The following CDK17 variants were observed in gnomAD, a reference collection of about 807,000 sequenced individuals.
CDK17 encodes the protein cyclin dependent kinase 17, also known as cyclin-dependent kinase 17.
A neutral mutation model predicts 77.6 loss-of-function variants in CDK17; 24 were observed. The ratio of observed to expected loss-of-function variants is 0.31; its 90% CI spans 0.22 to 0.44. CDK17 has a LOEUF of 0.44. Ranked by LOEUF, CDK17 falls within the 20% of genes least tolerant of loss-of-function variation. The pLI, the probability that CDK17 is intolerant of heterozygous loss-of-function variation, is 1.00. For synonymous variants in CDK17, 203 were observed against 210.4 expected, an observed-to-expected ratio of 0.96 and a Z score of 0.30; for missense variants, 429 against 622.5, an observed-to-expected ratio of 0.69 and a Z score of 3.31.
intron 2 of CDK17, among the ~76,000 whole-genome samples, chr12:96,325,504 C>T (rs1354517483): frequency 6.6e-6 from 1 of 152,218 alleles, no homozygotes; most frequent in Non-Finnish European, 1.5e-5. Flanking sequence ...AGGGTATGGG[C>T]TCCAGAGAAA....
intron 1 of CDK17, among the ~76,000 whole-genome samples, chr12:96,349,122 T>G (rs896202584): frequency 3.3e-5 from 5 of 152,172 alleles, no homozygotes; most frequent in African/African-American, 1.2e-4. Context: ...TGAACCAGGA[T>G]TTGTCTCAAG....
intron 5 of CDK17, among the ~76,000 whole-genome samples, chr12:96,301,029 A>C (rs2137087374): frequency 6.6e-6 from 1 of 152,340 alleles, no homozygotes; most frequent in East Asian, 1.9e-4. Flanking sequence ...AAATTGCAAA[A>C]TAAATAATTT....
Position 96,311,089 on chromosome 12 carries a change from T to C in CDK17, c.506A>G (p.Asp169Gly), listed in dbSNP as rs1565814237. The change falls in exon 5 of 17, where the codon GAC becomes GGC. Residue 169 changes from aspartate to glycine, a missense_variant. By Grantham distance (94) the Asp-to-Gly change is moderately conservative (BLOSUM62 -1). Around this residue, in one of 4 missense-constraint regions of CDK17, gnomAD observed 262 missense variants for 385.4 expected, o/e 0.68. Coordinates refer to ENST00000261211, the MANE Select transcript of CDK17 (RefSeq NM_002595.5). ...ACGAGACCTTCGACTCATTGGTTGG[T>C]CAAATGGTGGACTGTTTATCTGCAA... is the stretch of plus-strand genomic sequence containing the variant. ...EKLQINSPPF[D>G]QPMSRRSRRA... 6.2e-7 allele frequency: 1 copy of C among 1,603,804 alleles called. No individual in the cohort carries two copies. The highest frequency in any genetic ancestry group is 8.5e-7 in the Non-Finnish European group (1 of 1,177,096).
chr12:96,387,700 G>A lies in CDK17; in HGVS notation c.-30+12286C>T, dbSNP rs923959023. 6.6e-5 allele frequency among the ~76,000 whole-genome samples: 10 copies of A among 152,062 alleles called. No individual in the cohort carries two copies. The East Asian group carries it at 9.6e-4, about 15-fold the overall frequency. On this transcript the variant is annotated intron_variant, in intron 1 of 16. Coordinates refer to ENST00000261211, the MANE Select transcript of CDK17 (RefSeq NM_002595.5). Reference sequence around the variant, plus strand: ...CTCACACCTGTAATCCCAGCGCTTCGGGAGGCCGAGGCTCGAGAATCACTT... The same window carrying A: ...CTCACACCTGTAATCCCAGCGCTTCAGGAGGCCGAGGCTCGAGAATCACTT...
intron 12 of CDK17, 121 bp downstream of exon 12, chr12:96,286,539 TCTAA>T (rs1490546501): frequency 1.6e-4 from 98 of 626,154 alleles, no homozygotes; most frequent in Non-Finnish European, 2.3e-4. Flanking sequence ...TTCTAATTAT[TCTAA>T]CTAACAGCTG....
intron 2 of CDK17, among the ~76,000 whole-genome samples, chr12:96,333,769 G>T (rs1284463226): frequency 6.6e-6 from 1 of 152,060 alleles, no homozygotes; most frequent in African/African-American, 2.4e-5. Flanking sequence ...ACTCTGAAGT[G>T]AAGAAACCTG....
chr12:96,305,791 TCAC>T (rs1048822925), intron 5 of CDK17, among the ~76,000 whole-genome samples: 2 of 152,154 alleles, frequency 1.3e-5, no homozygotes, highest in African/African-American at 4.8e-5. Flanking sequence ...CAATCATGGC[TCAC>T]CACAACCTCA....
chr12:96,280,243 T>C lies in CDK17; in HGVS notation c.1571A>G (p.Ter524=), dbSNP rs957111184. ...GKNRRQSMLF[*] ...GGGCTTGAAACCATGTTATCAGACTTAAAAGAGCATGCTCTGTCTTCTGTT... is the reference window on the plus strand; with the variant it reads ...GGGCTTGAAACCATGTTATCAGACTCAAAAGAGCATGCTCTGTCTTCTGTT... The change falls in exon 17 of 17, where the codon TAA becomes TGA. Residue 524 remains the stop codon, a stop_retained_variant. Coordinates refer to ENST00000261211, the MANE Select transcript of CDK17 (RefSeq NM_002595.5). 1 of 1,550,954 alleles carries C rather than the reference T, an allele frequency of 6.4e-7. No homozygotes were observed. The highest frequency in any genetic ancestry group is 1.4e-5 in the African/African-American group (1 of 73,124).
intron 11 of CDK17, among the ~76,000 whole-genome samples, chr12:96,287,560 T>C (rs913984519): frequency 1.3e-5 from 2 of 152,024 alleles, no homozygotes; most frequent in Non-Finnish European, 2.9e-5. Flanking sequence ...TAGGTATATA[T>C]CTAAAAGAAC....
At chr12:96,378,638 AT>A (rs1953825697) in intron 1 of CDK17, among the ~76,000 whole-genome samples, 2 of 152,134 alleles carry the variant, frequency 1.3e-5, no homozygotes, top group African/African-American at 4.8e-5. Flanking sequence ...AAGATCTACA[AT>A]TGCTTGTTCA....
In CDK17 at chr12:96,387,501, A is replaced by G. The variant is rs78857505; in HGVS notation, c.-30+12485T>C. On this transcript the variant is annotated intron_variant, in intron 1 of 16. Transcript: ENST00000261211. ...CAAGAATGATTCTGAAGTTGAGGTT[A>G]AAGCCATTACTCTGGAATAATATAT... 4.3e-3 allele frequency among the ~76,000 whole-genome samples: 651 copies of G among 152,354 alleles called. 5 individuals are homozygous for G. Among genetic ancestry groups the G allele is most frequent in the Middle Eastern group, 0.014 (4 of 294 alleles).
At chr12:96,363,573 T>C (rs1953531573) in intron 1 of CDK17, among the ~76,000 whole-genome samples, 1 of 150,000 alleles carries the variant, frequency 6.7e-6, no homozygotes, top group Admixed American at 6.6e-5. Flanking sequence ...TTGGGCCAGG[T>C]GTGGTGGCTC....
chr12:96,353,764 C>T (rs1326979889), intron 1 of CDK17, among the ~76,000 whole-genome samples: 2 of 151,998 alleles, frequency 1.3e-5, no homozygotes, highest in Non-Finnish European at 2.9e-5. Context: ...GCAAACAGAA[C>T]ATTAATAATT....
intron 3 of CDK17, among the ~76,000 whole-genome samples, chr12:96,316,740 G>A (rs1396323568): frequency 4.0e-5 from 5 of 126,066 alleles, no homozygotes; most frequent in Non-Finnish European, 8.4e-5. Flanking sequence ...ACCTGCAGCT[G>A]AGGGTCCTGT....
At chr12:96,333,431 G>A (rs919758761) in intron 2 of CDK17, among the ~76,000 whole-genome samples, 6 of 152,046 alleles carry the variant, frequency 3.9e-5, no homozygotes, top group Non-Finnish European at 8.8e-5. Context: ...TTGGGAGGTC[G>A]AGGCAGGCAG....
intron 1 of CDK17, among the ~76,000 whole-genome samples, chr12:96,396,330 G>A (rs1267809959): frequency 2.6e-5 from 4 of 152,110 alleles, no homozygotes; most frequent in African/African-American, 9.7e-5. Flanking sequence ...GCAAAATAAT[G>A]ACAAAGAATC....
intron 1 of CDK17, among the ~76,000 whole-genome samples, chr12:96,354,701 T>C (rs531692851): frequency 6.6e-5 from 10 of 152,060 alleles, no homozygotes; most frequent in Non-Finnish European, 1.3e-4. Flanking sequence ...GGCAACATAG[T>C]GAGACCCCTC....
chr12:96,295,082 T>C lies in CDK17; in HGVS notation c.914A>G (p.His305Arg), dbSNP rs1952385701. The stretch of plus-strand genomic sequence containing the variant: ...GTCTCGATGCAATACCTTTCTTCTA[T>C]GGCAATATGCCAAACCACGTAGAAT... ...YQILRGLAYCHRRKVLHRDLK... is the reference protein window; with the variant it reads ...YQILRGLAYCRRRKVLHRDLK... The change falls in exon 10 of 17, where the codon CAT becomes CGT. Residue 305 changes from histidine (H) to arginine (R), a missense_variant. His to Arg is a conservative substitution (Grantham distance 29). Coordinates refer to ENST00000261211, the MANE Select transcript of CDK17 (RefSeq NM_002595.5). The C allele has an allele frequency of 1.2e-6, 2 of 1,611,722 alleles. No individual in the cohort carries two copies. The highest frequency in any genetic ancestry group is 1.7e-6 in the Non-Finnish European group (2 of 1,178,424).
intron 1 of CDK17, among the ~76,000 whole-genome samples, chr12:96,366,447 T>C (rs746926517): frequency 6.6e-6 from 1 of 152,214 alleles, no homozygotes; most frequent in Non-Finnish European, 1.5e-5. Flanking sequence ...ATATATCTCA[T>C]ACATTACTAT....
Sources: gnomAD v4.1 joint callset for allele counts (sites outside exome capture counted in the v4.1 genomes callset) on GRCh38, gnomAD v4.1.1 for gene constraint, gnomAD v4.1.1 regional missense constraint, MANE v1.5 for transcripts, NCBI Gene and HGNC (gene_info 2026-07-23, HGNC 2026-07-21) for gene names.